Variants in SEMA3A observed in about 807,000 individuals in gnomAD.
SEMA3A encodes semaphorin-3A.
A neutral mutation model predicts 97.9 loss-of-function variants in SEMA3A; 29 were observed. The observed-to-expected ratio is 0.30, with a 90% CI of 0.22 to 0.40. The LOEUF is 0.40. Ranked by LOEUF, SEMA3A falls within the 10% of genes least tolerant of loss-of-function variation. SEMA3A has a pLI of 1.00. For synonymous variants in SEMA3A, 321 were observed against 323.7 expected (o/e 0.99, Z 0.09); for missense variants, 763 against 951.3 (o/e 0.80, Z 2.60).
intron 1 of SEMA3A, among the ~76,000 whole-genome samples, chr7:84,379,480 A>T (rs541854088): frequency 6.6e-6 from 1 of 152,312 alleles, no homozygotes; most frequent in South Asian, 2.1e-4. Flanking sequence ...ATTCAAGAGT[A>T]AAATTCCAAA....
chr7:84,466,182 T>C (rs75574967), intron 1 of SEMA3A, among the ~76,000 whole-genome samples: 6 of 144,808 alleles, frequency 4.1e-5, no homozygotes, highest in East Asian at 4.6e-4. Context: ...TGTTTGTTTG[T>C]TTGCTTTTGA....
At chr7:84,427,649 CAA>C (rs55872394) in intron 1 of SEMA3A, among the ~76,000 whole-genome samples, 1 of 73,002 alleles carries the variant, frequency 1.4e-5, no homozygotes, top group Non-Finnish European at 2.4e-5. Flanking sequence ...GATTCTGTCT[CAA>C]AAAAAAAAAA....
intron 3 of SEMA3A, among the ~76,000 whole-genome samples, chr7:84,246,048 C>T (rs904440606): frequency 6.6e-6 from 1 of 152,156 alleles, no homozygotes; most frequent in South Asian, 2.1e-4. Context: ...CAGAAATGCC[C>T]TGCCCGGGGT....
At chr7:84,193,500 G>A (rs1798114965) in intron 1 of SEMA3A, among the ~76,000 whole-genome samples, 1 of 151,852 alleles carries the variant, frequency 6.6e-6, no homozygotes, top group East Asian at 1.9e-4. Flanking sequence ...AACACCTTAG[G>A]GAGTAAAACT....
Position 84,465,819 on chromosome 7 carries a change from A to C in SEMA3A, c.-246+26641T>G, listed in dbSNP as rs16887716. Reference sequence around the variant, plus strand: ...TATTGCCTTCATTACAAGCATCAACATTTCTTTGGAGGGTATTAAATAGCT... The same window carrying C: ...TATTGCCTTCATTACAAGCATCAACCTTTCTTTGGAGGGTATTAAATAGCT... On this transcript the variant is annotated intron_variant, in intron 1 of 3. Transcript: ENST00000424555. 0.014 allele frequency among the ~76,000 whole-genome samples: 2,055 copies of C among 152,172 alleles called. 95 individuals are homozygous for C. In the East Asian group the frequency reaches 0.16, roughly 12 times the overall value.
At chr7:84,214,760 G>A (rs1798706364) in intron 3 of SEMA3A, among the ~76,000 whole-genome samples, 1 of 148,692 alleles carries the variant, frequency 6.7e-6, no homozygotes, top group African/African-American at 2.5e-5. Flanking sequence ...GTGCAGTGGT[G>A]TGATTTGGGC....
chr7:84,425,017 T>C (rs1400681683), intron 1 of SEMA3A, among the ~76,000 whole-genome samples: 3 of 103,412 alleles, frequency 2.9e-5, no homozygotes, highest in African/African-American at 1.2e-4. Flanking sequence ...ATATATTATT[T>C]ATTTATATAT....
chr7:84,375,906 CT>C (rs1803085208), intron 1 of SEMA3A, among the ~76,000 whole-genome samples: 1 of 152,090 alleles, frequency 6.6e-6, no homozygotes, highest in Non-Finnish European at 1.5e-5. Flanking sequence ...ATGAGATCAA[CT>C]TTTTAGCTAC....
chr7:84,410,514 ATTTTAGT>A (rs1215148140), intron 1 of SEMA3A, among the ~76,000 whole-genome samples: 11 of 152,080 alleles, frequency 7.2e-5, no homozygotes. Context: ...GAAAGCACCT[ATTTTAGT>A]TTTAAGGAGA....
At chr7:84,402,007 T>G (rs1310185372) in intron 1 of SEMA3A, among the ~76,000 whole-genome samples, 1 of 152,038 alleles carries the variant, frequency 6.6e-6, no homozygotes, top group Non-Finnish European at 1.5e-5. Context: ...TGGGATTACA[T>G]CAAACTAAAA....
At chr7:84,461,796 T>C (rs1805846506) in intron 1 of SEMA3A, among the ~76,000 whole-genome samples, 1 of 152,188 alleles carries the variant, frequency 6.6e-6, no homozygotes, top group African/African-American at 2.4e-5. Context: ...GTTTCATGCT[T>C]ATGTACAACA....
chr7:83,977,311 C>T, intron 14 of SEMA3A, 115 bp from the exon 15 acceptor site: 1 of 444,736 alleles, frequency 2.2e-6, no homozygotes, highest in Non-Finnish European at 3.8e-6. Flanking sequence ...ACTCTAGTAA[C>T]TTACAGGAAC....
chr7:84,010,287 G>A (rs140907567), intron 9 of SEMA3A, among the ~76,000 whole-genome samples: 73 of 152,190 alleles, frequency 4.8e-4, no homozygotes, highest in Non-Finnish European at 8.2e-4. Flanking sequence ...GTTGAGAAGC[G>A]ATGATTGTAT....
At chr7:84,149,824 T>C (rs931314520) in intron 1 of SEMA3A, among the ~76,000 whole-genome samples, 1 of 152,178 alleles carries the variant, frequency 6.6e-6, no homozygotes, top group Non-Finnish European at 1.5e-5. Context: ...ACACTAGCAT[T>C]AGTTTGAAGG....
rs545165551 is a variant in SEMA3A at position 84,362,213 on chromosome 7, C to CTAAA, written c.-169+9607_-169+9610dup. On this transcript the variant is annotated intron_variant, in intron 2 of 3. Coordinates refer to the SEMA3A transcript ENST00000424555. The stretch of plus-strand genomic sequence containing the variant: ...TGGGCAATGTACTGAGAACCCCATG[C>CTAAA]TAAATAAATAAATAAATAAATAACC... Among the ~76,000 whole-genome samples, 259 of 151,602 alleles carry CTAAA rather than the reference C, an allele frequency of 1.7e-3. 1 individual carries two copies. The highest frequency in any genetic ancestry group is 3.4e-3 in the African/African-American group (139 of 41,424).
In SEMA3A at chr7:84,357,170, T is replaced by G. The variant is rs192622895; in HGVS notation, c.-169+14654A>C. ...TATAATTTAAGTTCTAGGGTACATG[T>G]GCACAACATGCAGGCTTGTTACATA... is the stretch of plus-strand genomic sequence containing the variant. On this transcript the variant is annotated intron_variant, in intron 2 of 3. Transcript: ENST00000424555. Among the ~76,000 whole-genome samples, 723 of 151,972 alleles carry G rather than the reference T, an allele frequency of 4.8e-3. 6 individuals are homozygous for G. Among genetic ancestry groups the G allele is most frequent in the African/African-American group, 0.016 (683 of 41,486 alleles).
At chr7:84,348,919 G>A (rs1802372056) in intron 2 of SEMA3A, among the ~76,000 whole-genome samples, 1 of 152,142 alleles carries the variant, frequency 6.6e-6, no homozygotes, top group South Asian at 2.1e-4. Flanking sequence ...GGGTGGCGGA[G>A]GTTGAAGTAA....
intron 2 of SEMA3A, among the ~76,000 whole-genome samples, chr7:84,361,697 A>G (rs1285412396): frequency 3.3e-5 from 5 of 152,058 alleles, no homozygotes; most frequent in African/African-American, 2.4e-5. Flanking sequence ...GCCTTCTGGA[A>G]AAGTACATTG....
At position 84,186,338 on chromosome 7, in the gene SEMA3A, C is replaced by T. The variant is rs960383316; in HGVS notation, c.112+8137G>A. Among the ~76,000 whole-genome samples the T allele has an allele frequency of 3.3e-5, 5 of 152,194 alleles. 1 individual carries two copies. The highest frequency in any genetic ancestry group is 3.3e-4 in the Admixed American group (5 of 15,276). On this transcript the variant is annotated intron_variant, in intron 1 of 16. Transcript: ENST00000265362. ...AGATGAGTTATGTGGCTTTATGTGTCTATTTTATACATAGAACGCAAGTAA... is the reference window on the plus strand; with the variant it reads ...AGATGAGTTATGTGGCTTTATGTGTTTATTTTATACATAGAACGCAAGTAA...
Sources: allele counts gnomAD v4.1 joint callset (sites outside exome capture counted in the v4.1 genomes callset), GRCh38; gene constraint gnomAD v4.1.1; transcripts MANE v1.5; gene names NCBI Gene and HGNC (gene_info 2026-07-23, HGNC 2026-07-21).